SRI: variants seen among roughly 807,000 people sequenced by gnomAD.
The protein encoded by SRI is 22 kDa protein.
A neutral mutation model predicts 33.3 loss-of-function variants in SRI; 30 were observed. The observed-to-expected ratio is 0.90, with a 90% CI of 0.67 to 1.22. The LOEUF (loss-of-function observed/expected upper bound fraction) is 1.22. SRI is among the 50% of genes most tolerant of loss of function. The pLI is 0.00. For missense variants in SRI, 243 were observed against 250.8 expected (o/e 0.97, Z 0.21); for synonymous variants, 75 against 89.9 (o/e 0.83, Z 0.94).
upstream of SRI, chr7:88,220,120 G>C (rs1234842504): frequency 2.9e-6 from 4 of 1,373,260 alleles, no homozygotes; most frequent in African/African-American, 1.5e-5. Context: ...CCGCCCCAGA[G>C]CGCACCACGC....
chr7:88,219,943 C>T (rs753138072), intron 1 of SRI, 33 bp downstream of exon 1: 320 of 1,538,028 alleles, frequency 2.1e-4, no homozygotes, highest in Middle Eastern at 4.5e-4. Context: ...CCCGGAGCCG[C>T]CTGGGCCGCG....
chr7:88,217,115 A>T lies in SRI; in HGVS notation c.205+7T>A, dbSNP rs1198526825. On this transcript the variant is annotated splice_region_variant and intron_variant, in intron 3 of 7. Transcript: ENST00000265729. ...TATTTAGACAAACTTTGGGACTGTC[A>T]ACTTACGTTTGTATCCTCCAGCAAT... 1.2e-6 allele frequency: 2 copies of T among 1,613,618 alleles called. No individual in the cohort carries two copies. The highest frequency in any genetic ancestry group is 1.7e-6 in the Non-Finnish European group (2 of 1,179,732).
intron 6 of SRI, 40 bp downstream of exon 6, chr7:88,209,299 G>T: frequency 6.7e-7 from 1 of 1,499,424 alleles, no homozygotes; most frequent in Non-Finnish European, 9.3e-7. Context: ...TAAAAACTGT[G>T]TCTTGGCTTG....
At chr7:88,216,721 A>C (rs924912549) in intron 3 of SRI, 1 of 194,670 alleles carries the variant, frequency 5.1e-6, no homozygotes, top group Non-Finnish European at 1.1e-5. Context: ...TTCTAGGTAC[A>C]CAAAACCCAA....
chr7:88,214,871 T>C lies in SRI; in HGVS notation c.205+2251A>G. ...CTTTTCTTCTCACAGAAACATACAA[T>C]ATAATGGACCTAGAAGGAAAGCCCT... On this transcript the variant is annotated intron_variant, in intron 3 of 7. Coordinates refer to ENST00000265729, the MANE Select transcript of SRI (RefSeq NM_003130.4). 3.2e-6 allele frequency: 4 copies of C among 1,254,658 alleles called. No homozygotes were observed. The East Asian group carries it at 2.3e-4, about 71-fold the overall frequency. The allele number at this position is 1,254,658 out of a possible 1,614,324, so 77.7% of individuals were successfully genotyped here.
At chr7:88,217,083 A>T (rs1453147741) in intron 3 of SRI, 39 bp downstream of exon 3, 2 of 1,574,928 alleles carry the variant, frequency 1.3e-6, no homozygotes, top group Admixed American at 3.3e-5. Context: ...TAGGAAACAC[A>T]AGAGTATATT....
Position 88,206,113 on chromosome 7 carries a change from G to A in SRI, c.*365C>T. ...TATGTGTGGAGTATTCTTTGTAGGA[G>A]AGGAAAGATAACAGCTGTAGTCTGA... is the stretch of plus-strand genomic sequence containing the variant. On this transcript the variant is annotated 3_prime_UTR_variant, in exon 8 of 8. Coordinates refer to ENST00000265729, the MANE Select transcript of SRI (RefSeq NM_003130.4). The A allele has an allele frequency of 4.0e-6, 1 of 252,348 alleles. No individual in the cohort carries two copies. The highest frequency in any genetic ancestry group is 7.9e-6 in the Non-Finnish European group (1 of 127,030). The allele number at this position is 252,348 out of a possible 1,614,324, so 15.6% of individuals were successfully genotyped here.
At chr7:88,226,803 T>G in intron 1 of SRI, 1 of 1,208,112 alleles carries the variant, frequency 8.3e-7, no homozygotes, top group South Asian at 1.6e-5. Context: ...AACCCATGGA[T>G]CAGTAGAACT....
chr7:88,217,897 A>T (rs1202868350), intron 2 of SRI, among the ~76,000 whole-genome samples: 1 of 152,228 alleles, frequency 6.6e-6, no homozygotes, highest in African/African-American at 2.4e-5. Flanking sequence ...TGTGGTTTCA[A>T]AGATACAGAT....
At position 88,209,971 on chromosome 7, in the gene SRI, A is replaced by C; in HGVS notation, c.397+12T>G. ...TACCAATGAATGGAGAGTTCTAGTA[A>C]GCCATACCTACCCATTGTTGTCAGG... On this transcript the variant is annotated intron_variant, in intron 5 of 7. Transcript: ENST00000265729. The C allele has an allele frequency of 2.5e-6, 4 of 1,614,104 alleles. No homozygotes were observed. The highest frequency in any genetic ancestry group is 3.4e-6 in the Non-Finnish European group (4 of 1,179,986).
In SRI at chr7:88,210,114, G is replaced by A. The variant is rs1563472308; in HGVS notation, c.266C>T (p.Thr89Ile). Residue 89 changes from threonine (T) to isoleucine (I), a missense_variant, in exon 5 of 8, where the codon ACA (threonine) becomes ATA (isoleucine). By Grantham distance (89) the Thr-to-Ile change is moderately conservative. Coordinates refer to ENST00000265729, the MANE Select transcript of SRI (RefSeq NM_003130.4). Reference protein sequence around the residue: ...VSMLDRDMSGTMGFNEFKELW... With the variant: ...VSMLDRDMSGIMGFNEFKELW... ...TTCTTTAAATTCATTGAAACCCATT[G>A]TGCCAGACATATCTCTCTGAACTGT... 3.7e-6 allele frequency: 6 copies of A among 1,614,084 alleles called. No homozygotes were observed. Among genetic ancestry groups the A allele is most frequent in the Non-Finnish European group, 5.1e-6 (6 of 1,179,988 alleles).
upstream of SRI, among the ~76,000 whole-genome samples, chr7:88,220,372 T>C (rs568694521): frequency 9.7e-3 from 1,227 of 125,994 alleles, 22 homozygotes; most frequent in African/African-American, 0.036. Context: ...TTTTTTTTTT[T>C]CCTTCGGACT....
chr7:88,215,004 A>G (rs1414781551), intron 3 of SRI: 2 of 464,320 alleles, frequency 4.3e-6, no homozygotes, highest in Non-Finnish European at 8.5e-6. Context: ...TCTCTCACCA[A>G]CTCCACCTCT....
chr7:88,207,802 C>T (rs1396419541), intron 7 of SRI: 1 of 152,354 alleles, frequency 6.6e-6, no homozygotes, highest in Non-Finnish European at 1.5e-5. Flanking sequence ...ACCATCCTGG[C>T]TAACACAGTG....
intron 2 of SRI, among the ~76,000 whole-genome samples, chr7:88,218,480 A>G (rs1851787855): frequency 6.6e-6 from 1 of 152,234 alleles, no homozygotes. Context: ...GGGGTGAATG[A>G]TTAGCAATCA....
At chr7:88,208,451 A>C (rs1474146732) in intron 7 of SRI, 56 bp downstream of exon 7, 1 of 1,604,920 alleles carries the variant, frequency 6.2e-7, no homozygotes, top group South Asian at 1.1e-5. Context: ...TCAAAGGGAT[A>C]CCCATCTGGT....
In SRI at chr7:88,207,227, A is replaced by C. The variant is rs377759284; in HGVS notation, c.571-723T>G. Among the ~76,000 whole-genome samples, 35 of 152,324 alleles carry C rather than the reference A, an allele frequency of 2.3e-4. No homozygotes were observed. In the South Asian group the frequency reaches 7.3e-3, roughly 32 times the overall value. ...CAGGATGTTTAGAAATCTTTTAAGT[A>C]GCCCCATCTGAAGTCAAAGCCCATG... On this transcript the variant is annotated intron_variant, in intron 7 of 7. Transcript: ENST00000265729.
At chr7:88,221,166 G>A (rs1035144494), upstream of SRI, among the ~76,000 whole-genome samples, 2 of 152,142 alleles carry the variant, frequency 1.3e-5, no homozygotes, top group African/African-American at 2.4e-5. Context: ...TGGAGCACCC[G>A]CCAATGTGGT....
chr7:88,219,931 G>T (rs760017830), intron 1 of SRI, 45 bp downstream of exon 1: 5 of 1,534,280 alleles, frequency 3.3e-6, no homozygotes, highest in African/African-American at 1.4e-5. Flanking sequence ...GCCTCTTAGC[G>T]CCCCGGAGCC....
Sources: gnomAD v4.1 joint callset for allele counts (sites outside exome capture counted in the v4.1 genomes callset) on GRCh38, gnomAD v4.1.1 for gene constraint, MANE v1.5 for transcripts, NCBI Gene and HGNC (gene_info 2026-07-23, HGNC 2026-07-21) for gene names.